The following SLIT3 variants were observed in gnomAD, a reference collection of about 807,000 sequenced individuals.
SLIT3 encodes the protein slit homolog 3 protein.
SLIT3 carries 68 observed loss-of-function variants against 184.0 expected under a neutral mutation model. The ratio of observed to expected loss-of-function variants is 0.37; its 90% CI spans 0.30 to 0.45. The LOEUF (loss-of-function observed/expected upper bound fraction) is 0.45, where lower values mean the gene tolerates loss of function less well. Among genes scored for constraint, SLIT3 ranks in the 20% least tolerant of loss-of-function variants. The probability of loss-of-function intolerance (pLI) is 1.00; values close to 1 mark genes in which losing one functional copy is unlikely to be tolerated. For synonymous variants in SLIT3, 831 were observed against 828.6 expected (o/e 1.00, Z -0.05); for missense variants, 1,707 against 2,026.0 (o/e 0.84, Z 3.02).
intron 4 of SLIT3, among the ~76,000 whole-genome samples, chr5:169,048,871 A>G (rs1757719163): frequency 1.3e-5 from 2 of 152,120 alleles, no homozygotes; most frequent in Admixed American, 1.3e-4. Flanking sequence ...TCCCCACTTA[A>G]TTAAGATACT....
At chr5:169,142,408 A>C (rs900950372) in intron 4 of SLIT3, among the ~76,000 whole-genome samples, 2 of 151,968 alleles carry the variant, frequency 1.3e-5, no homozygotes, top group African/African-American at 2.4e-5. Flanking sequence ...GTAATTGCTG[A>C]CTCCATAATC....
chr5:168,897,695 GAGAC>G (rs66990722), intron 4 of SLIT3, among the ~76,000 whole-genome samples: 69,716 of 148,470 alleles, frequency 0.47, 16,674 homozygotes, highest in Non-Finnish European at 0.52. Context: ...CATACAGAAA[GAGAC>G]AGGCTGAGAG....
chr5:168,834,604 G>A (rs369964945), intron 6 of SLIT3, among the ~76,000 whole-genome samples: 3 of 149,232 alleles, frequency 2.0e-5, no homozygotes, highest in African/African-American at 7.4e-5. Flanking sequence ...AGGGCAGGAG[G>A]TGAGCCTGGG....
At chr5:169,238,355 C>A (rs961827892) in intron 3 of SLIT3, among the ~76,000 whole-genome samples, 2 of 151,868 alleles carry the variant, frequency 1.3e-5, no homozygotes. Context: ...TTCAACTATT[C>A]TATTACAGTT....
intron 4 of SLIT3, among the ~76,000 whole-genome samples, chr5:169,025,667 C>T (rs1260732984): frequency 6.6e-6 from 1 of 152,160 alleles, no homozygotes; most frequent in African/African-American, 2.4e-5. Flanking sequence ...GAGAAGCATA[C>T]AGCTCTAGGG....
chr5:169,003,825 ATAAG>A (rs60107602), intron 4 of SLIT3, among the ~76,000 whole-genome samples: 2,465 of 152,294 alleles, frequency 0.016, 58 homozygotes, highest in African/African-American at 0.055. Flanking sequence ...GTTGTGGCTG[ATAAG>A]TAAGGAACAG....
intron 4 of SLIT3, among the ~76,000 whole-genome samples, chr5:168,940,994 G>A (rs1762314675): frequency 2.0e-5 from 3 of 152,148 alleles, no homozygotes; most frequent in Admixed American, 6.5e-5. Flanking sequence ...TCGGATAAAA[G>A]CAAACCAGGC....
At chr5:168,673,440 T>C in intron 32 of SLIT3, 109 bp from the exon 33 acceptor site, 2 of 1,031,930 alleles carry the variant, frequency 1.9e-6, no homozygotes, top group Non-Finnish European at 2.8e-6. Flanking sequence ...TTTTACTTTT[T>C]ATTTGGAAAT....
chr5:169,290,576 C>T (rs1053213450), intron 1 of SLIT3, among the ~76,000 whole-genome samples: 6 of 148,566 alleles, frequency 4.0e-5, no homozygotes, highest in Admixed American at 4.0e-4. Flanking sequence ...CTAGGGTGCG[C>T]ACTAGGGCAC....
At chr5:168,874,045 T>G (rs931484614) in intron 5 of SLIT3, among the ~76,000 whole-genome samples, 2 of 152,122 alleles carry the variant, frequency 1.3e-5, no homozygotes, top group Non-Finnish European at 2.9e-5. Context: ...TTTGAGGGGG[T>G]CAGAATCACT....
At chr5:169,071,824 C>G (rs1020670820) in intron 4 of SLIT3, among the ~76,000 whole-genome samples, 1 of 151,974 alleles carries the variant, frequency 6.6e-6, no homozygotes, top group South Asian at 2.1e-4. Context: ...ATTCCTTGTG[C>G]GAGTGGTTAG....
At position 168,908,909 on chromosome 5, in the gene SLIT3, A is replaced by G. The variant is rs369228061; in HGVS notation, c.414-25573T>C. On this transcript the variant is annotated intron_variant, in intron 4 of 35. Coordinates refer to ENST00000519560, the MANE Select transcript of SLIT3 (RefSeq NM_003062.4). Reference sequence around the variant, plus strand: ...CTCACAGAGAGGTGCACACCTTACAAGTCCATCATAAGAGGGTCCTGAAAA... The same window carrying G: ...CTCACAGAGAGGTGCACACCTTACAGGTCCATCATAAGAGGGTCCTGAAAA... Among the ~76,000 whole-genome samples the G allele has an allele frequency of 7.2e-5, 11 of 152,214 alleles. No individual in the cohort carries two copies. The East Asian group carries it at 9.6e-4, about 13-fold the overall frequency.
At chr5:169,010,009 T>C (rs897156705) in intron 4 of SLIT3, among the ~76,000 whole-genome samples, 8 of 152,178 alleles carry the variant, frequency 5.3e-5, no homozygotes, top group Admixed American at 6.5e-5. Flanking sequence ...CTCCCTGGCT[T>C]TGAAATGCCA....
chr5:168,707,857 C>G (rs1177721964), intron 26 of SLIT3, 119 bp downstream of exon 26: 1 of 1,259,942 alleles, frequency 7.9e-7, no homozygotes, highest in African/African-American at 1.5e-5. Context: ...GTGCGATGGA[C>G]TCATCCAGGC....
chr5:169,026,053 G>A (rs948652654), intron 4 of SLIT3, among the ~76,000 whole-genome samples: 1 of 152,100 alleles, frequency 6.6e-6, no homozygotes, highest in East Asian at 1.9e-4. Flanking sequence ...TTGACTCTGG[G>A]TTTATTAACT....
intron 24 of SLIT3, among the ~76,000 whole-genome samples, chr5:168,711,828 C>G (rs1762570086): frequency 6.6e-6 from 1 of 152,072 alleles, no homozygotes; most frequent in African/African-American, 2.4e-5. Flanking sequence ...TCAGTTTTTC[C>G]TGTGTAAAAT....
chr5:169,081,036 TCC>T (rs1479619891), intron 4 of SLIT3, among the ~76,000 whole-genome samples: 3 of 152,062 alleles, frequency 2.0e-5, no homozygotes, highest in Non-Finnish European at 4.4e-5. Context: ...CCGCCCCCCT[TCC>T]CCAGGGCTCC....
rs760494963 is a variant in SLIT3, at chr5:168,823,282, G to A, written c.607C>T (p.His203Tyr). ...ISRILVTSFNHMPKIRTLRLH... is the reference protein window; with the variant it reads ...ISRILVTSFNYMPKIRTLRLH... ...CACAGAGTTCGGATCTTCGGCATGT[G>A]GTTGAAGCTGGTGACCAGGATGCGA... Residue 203 changes from histidine to tyrosine, a missense_variant, in exon 7 of 36, where the codon CAC becomes TAC. Transcript: ENST00000519560. 6.2e-7 allele frequency: 1 copy of A among 1,614,012 alleles called. No individual in the cohort carries two copies. Among genetic ancestry groups the A allele is most frequent in the Non-Finnish European group, 8.5e-7 (1 of 1,179,874 alleles).
At chr5:169,263,633 C>T (rs1028693617) in intron 1 of SLIT3, 1 of 496,864 alleles carries the variant, frequency 2.0e-6, no homozygotes, top group Non-Finnish European at 4.0e-6. Context: ...CAGATACGCC[C>T]AACGTTCAGG....
Sources: gnomAD v4.1 joint callset for allele counts (sites outside exome capture counted in the v4.1 genomes callset) on GRCh38, gnomAD v4.1.1 for gene constraint, MANE v1.5 for transcripts, NCBI Gene and HGNC (gene_info 2026-07-23, HGNC 2026-07-21) for gene names.